QTMAN: variants seen among roughly 807,000 people sequenced by gnomAD.
QTMAN encodes tRNA-queuosine alpha-mannosyltransferase.
chr2:143,970,611 G>A, the QTMAN span: 6 of 979,514 alleles, frequency 6.1e-6, no homozygotes, highest in African/African-American at 9.6e-5. Context: ...TAGAGCTTAT[G>A]TCATCTATAA....
At chr2:144,231,038 A>G in the QTMAN span, among the ~76,000 whole-genome samples, 1 of 152,208 alleles carries the variant, frequency 6.6e-6, no homozygotes, top group African/African-American at 2.4e-5. Flanking sequence ...TACTTGTAAA[A>G]GTATTCTACA....
At chr2:144,105,050 A>C in the QTMAN span, among the ~76,000 whole-genome samples, 1 of 152,250 alleles carries the variant, frequency 6.6e-6, no homozygotes, top group African/African-American at 2.4e-5. Flanking sequence ...GAGGGTCCTG[A>C]CTGTTAGAAG....
chr2:143,993,362 T>C, the QTMAN span, among the ~76,000 whole-genome samples: 2 of 151,806 alleles, frequency 1.3e-5, no homozygotes, highest in Non-Finnish European at 2.9e-5. Context: ...CATCTGCATC[T>C]TAATCCTTGG....
At chr2:144,259,029 A>G in the QTMAN span, among the ~76,000 whole-genome samples, 1 of 152,226 alleles carries the variant, frequency 6.6e-6, no homozygotes, top group African/African-American at 2.4e-5. Flanking sequence ...GGTACCCCAA[A>G]GAAACAAGTT....
At chr2:144,311,281 T>C in the QTMAN span, among the ~76,000 whole-genome samples, 1 of 152,222 alleles carries the variant, frequency 6.6e-6, no homozygotes, top group East Asian at 1.9e-4. Flanking sequence ...AAGTGCTTCT[T>C]AGGATATGTA....
At chr2:144,061,522 G>A in the QTMAN span, among the ~76,000 whole-genome samples, 1 of 152,144 alleles carries the variant, frequency 6.6e-6, no homozygotes, top group African/African-American at 2.4e-5. Context: ...GGCTGATGAA[G>A]ATAATAATAT....
chr2:144,330,642 G>A, the QTMAN span, among the ~76,000 whole-genome samples: 2 of 151,936 alleles, frequency 1.3e-5, no homozygotes, highest in South Asian at 2.1e-4. Flanking sequence ...TAATCTAATG[G>A]GTCCAAATCA....
the QTMAN span, among the ~76,000 whole-genome samples, chr2:144,088,913 A>C: frequency 6.6e-6 from 1 of 152,090 alleles, no homozygotes; most frequent in African/African-American, 2.4e-5. Flanking sequence ...TGGCCAAGGC[A>C]AAAATTTATG....
the QTMAN span, among the ~76,000 whole-genome samples, chr2:144,249,686 T>C: frequency 2.0e-5 from 3 of 152,238 alleles, no homozygotes; most frequent in African/African-American, 7.2e-5. Flanking sequence ...TGCTTTACAA[T>C]ATAATGTGCC....
chr2:144,146,323 T>C, the QTMAN span, among the ~76,000 whole-genome samples: 2 of 150,852 alleles, frequency 1.3e-5, no homozygotes, highest in Non-Finnish European at 3.0e-5. Flanking sequence ...TCTTTTCTTC[T>C]CCATTACTGG....
the QTMAN span, among the ~76,000 whole-genome samples, chr2:144,171,496 G>A: frequency 6.6e-6 from 1 of 152,100 alleles, no homozygotes; most frequent in Admixed American, 6.6e-5. Context: ...AAATAATGCT[G>A]CCCAAATTCA....
the QTMAN span, chr2:144,294,261 G>T: frequency 6.6e-6 from 1 of 152,150 alleles, no homozygotes; most frequent in African/African-American, 2.4e-5. Context: ...TTTTGCAGAA[G>T]CGCCCTGTTG....
chr2:144,015,704 A>G, the QTMAN span, among the ~76,000 whole-genome samples: 8,008 of 152,232 alleles, frequency 0.053, 351 homozygotes, highest in African/African-American at 0.12. Flanking sequence ...AAGCCTGTGA[A>G]GAAGATTATT....
At chr2:144,014,910 T>C in the QTMAN span, among the ~76,000 whole-genome samples, 1 of 152,224 alleles carries the variant, frequency 6.6e-6, no homozygotes, top group Non-Finnish European at 1.5e-5. Context: ...TTTGCTTATA[T>C]GGCCTCTTCT....
At chr2:144,037,917 C>A in the QTMAN span, among the ~76,000 whole-genome samples, 5 of 152,130 alleles carry the variant, frequency 3.3e-5, no homozygotes, top group Non-Finnish European at 5.9e-5. Context: ...AAAATAATTC[C>A]TTTGGTTACA....
chr2:144,277,489 C>T, the QTMAN span, among the ~76,000 whole-genome samples: 1 of 151,976 alleles, frequency 6.6e-6, no homozygotes, highest in East Asian at 1.9e-4. Flanking sequence ...AACCTGATAG[C>T]CTGACAGGAA....
At chr2:144,028,502 A>G in the QTMAN span, among the ~76,000 whole-genome samples, 1 of 152,214 alleles carries the variant, frequency 6.6e-6, no homozygotes, top group African/African-American at 2.4e-5. Context: ...CAAAGAACAA[A>G]TGAGGCTGCT....
the QTMAN span, among the ~76,000 whole-genome samples, chr2:144,272,884 C>T: frequency 9.9e-5 from 15 of 152,100 alleles, no homozygotes; most frequent in Non-Finnish European, 1.9e-4. Flanking sequence ...GACATCTGAA[C>T]TGCATGAAAT....
chr2:144,272,725 ATGTGTGTGTGTGCATGCATGCGTGTG>A, the QTMAN span, among the ~76,000 whole-genome samples: 1 of 151,858 alleles, frequency 6.6e-6, no homozygotes, highest in Non-Finnish European at 1.5e-5. Flanking sequence ...GTGTGTGTGT[ATGTGTGTGTGTGCATGCATGCGTGTG>A]TGTATGTGTG....
Sources: gnomAD v4.1 joint callset for allele counts (sites outside exome capture counted in the v4.1 genomes callset) on GRCh38, gnomAD v4.1.1 for gene constraint, MANE v1.5 for transcripts, NCBI Gene and HGNC (gene_info 2026-07-23, HGNC 2026-07-21) for gene names.